Variants in PKHD1 observed in about 807,000 individuals in gnomAD.
The protein encoded by PKHD1 is PKHD1 ciliary IPT domain containing fibrocystin/polyductin, also known as fibrocystin.
In PKHD1, 291 loss-of-function variants were observed where a neutral mutation model predicts 412.0. The ratio of observed to expected loss-of-function variants is 0.71; its 90% CI spans 0.64 to 0.78. PKHD1 has a LOEUF of 0.78. PKHD1 is among the 30% of genes least tolerant of loss of function. The probability of loss-of-function intolerance (pLI) is 0.00; values close to 1 mark genes in which losing one functional copy is unlikely to be tolerated. For missense variants in PKHD1, 4,825 were observed against 4,950.7 expected (o/e 0.97, Z 0.76); for synonymous variants, 1,777 against 1,821.5 (o/e 0.98, Z 0.62).
chr6:52,048,578 A>G lies in PKHD1; in HGVS notation c.2321T>C (p.Val774Ala), dbSNP rs2128192965. 6.2e-7 allele frequency: 1 copy of G among 1,614,084 alleles called. No individual in the cohort carries two copies. The highest frequency in any genetic ancestry group is 8.5e-7 in the Non-Finnish European group (1 of 1,179,966). ...CTGTCGTCTCTGTGTCGTCACCAGG[A>G]CCAGTCCAGATCCCTCTTCTGTTCC... Reference protein sequence around the residue: ...TEGTEEGSGLVLVTTQRRQRT... With the variant: ...TEGTEEGSGLALVTTQRRQRT... The change falls in exon 23 of 67, where the codon GTC becomes GCC. Residue 774 changes from valine (V) to alanine (A), a missense_variant. Transcript: ENST00000371117.
At chr6:51,939,219 ACCC>A (rs941458218) in intron 36 of PKHD1, among the ~76,000 whole-genome samples, 4 of 147,868 alleles carry the variant, frequency 2.7e-5, no homozygotes, top group Non-Finnish European at 6.0e-5. Flanking sequence ...GGGGGCAAGA[ACCC>A]CCCCAACCCC....
chr6:51,714,191 G>A (rs1029706690), intron 60 of PKHD1, among the ~76,000 whole-genome samples: 26 of 152,110 alleles, frequency 1.7e-4, no homozygotes, highest in African/African-American at 5.8e-4. Context: ...CCAATATAGT[G>A]AAACCCCATC....
chr6:51,904,011 C>T lies in PKHD1; in HGVS notation c.6840G>A (p.Trp2280Ter), dbSNP rs1583295819. The change falls in exon 42 of 67, where the codon TGG becomes TGA. Residue 2280 changes from tryptophan (W) to a stop codon, truncating the protein, a stop_gained. Transcript: ENST00000371117. LOFTEE classifies it high-confidence loss of function. ...CATCTTTCCTTCCATGAATTGCCTC[C>T]CAGGAGATATATCTCATCTCCGTGC... ...GTCTEMRYIS[W>*]EAIHGRKDDW... The T allele has an allele frequency of 1.3e-6, 2 of 1,594,466 alleles. No individual in the cohort carries two copies. Among genetic ancestry groups the T allele is most frequent in the East Asian group, 4.5e-5 (2 of 44,746 alleles).
At chr6:51,816,087 A>C (rs1765414062) in intron 52 of PKHD1, among the ~76,000 whole-genome samples, 1 of 152,194 alleles carries the variant, frequency 6.6e-6, no homozygotes, top group African/African-American at 2.4e-5. Flanking sequence ...TTAACCATAT[A>C]TTCCCAATAT....
chr6:51,998,497 T>A, intron 35 of PKHD1, among the ~76,000 whole-genome samples: 1 of 152,216 alleles, frequency 6.6e-6, no homozygotes, highest in Non-Finnish European at 1.5e-5. Flanking sequence ...TAACTGGAAG[T>A]AAGGGAACTC....
intron 36 of PKHD1, among the ~76,000 whole-genome samples, chr6:51,958,636 C>A (rs777370314): frequency 1.3e-5 from 2 of 152,016 alleles, no homozygotes; most frequent in Non-Finnish European, 2.9e-5. Context: ...CCTTTGAATG[C>A]CTGAAGGGGA....
intron 48 of PKHD1, among the ~76,000 whole-genome samples, chr6:51,858,935 AC>A (rs1773738852): frequency 6.6e-6 from 1 of 152,046 alleles, no homozygotes. Context: ...GATACAATCA[AC>A]CCCATATCAG....
chr6:51,991,715 G>A (rs1797059621), intron 35 of PKHD1, among the ~76,000 whole-genome samples: 2 of 152,186 alleles, frequency 1.3e-5, no homozygotes, highest in Admixed American at 6.5e-5. Flanking sequence ...GATGCTGAAA[G>A]GGATTGTTTC....
rs1766262520 is a variant in PKHD1, at chr6:51,618,775, C to T, written c.*306G>A. The T allele has an allele frequency of 2.4e-6, 1 of 410,598 alleles. No homozygotes were observed. Among genetic ancestry groups the T allele is most frequent in the Admixed American group, 3.6e-5 (1 of 27,494 alleles). The allele number at this position is 410,598 out of a possible 1,614,324, so 25.4% of individuals were successfully genotyped here. ...AATAATAACCCCTGCTGGTATAAGTCAGTATTACACCATTATCAAGTTGTT... is the reference window on the plus strand; with the variant it reads ...AATAATAACCCCTGCTGGTATAAGTTAGTATTACACCATTATCAAGTTGTT... On this transcript the variant is annotated 3_prime_UTR_variant, in exon 67 of 67. Transcript: ENST00000371117.
intron 2 of PKHD1, 46 bp downstream of exon 2, chr6:52,084,836 C>G: frequency 8.8e-7 from 1 of 1,135,198 alleles, no homozygotes. Flanking sequence ...TCAAGGTAAC[C>G]TATTGTGTTC....
chr6:51,829,396 C>T (rs1470024744), intron 52 of PKHD1, among the ~76,000 whole-genome samples: 1 of 152,108 alleles, frequency 6.6e-6, no homozygotes, highest in East Asian at 1.9e-4. Flanking sequence ...AAAAGCTTGG[C>T]AACCTTCAAA....
intron 58 of PKHD1, 86 bp downstream of exon 58, chr6:51,747,701 T>G (rs948798948): frequency 8.5e-7 from 1 of 1,181,958 alleles, no homozygotes; most frequent in Non-Finnish European, 1.3e-6. Context: ...ATGTACCTTT[T>G]TGTTGATAAA....
intron 52 of PKHD1, among the ~76,000 whole-genome samples, chr6:51,798,121 G>A (rs1183949180): frequency 6.6e-6 from 1 of 152,274 alleles, no homozygotes; most frequent in East Asian, 1.9e-4. Context: ...GCTCGTGCCT[G>A]TAATTCCAGC....
intron 43 of PKHD1, among the ~76,000 whole-genome samples, chr6:51,892,149 T>C (rs1306645537): frequency 6.6e-6 from 1 of 152,228 alleles, no homozygotes; most frequent in Non-Finnish European, 1.5e-5. Context: ...CACTTCATTA[T>C]TTTGGAGTCT....
At chr6:51,727,269 G>A (rs979405291) in intron 60 of PKHD1, among the ~76,000 whole-genome samples, 2 of 152,120 alleles carry the variant, frequency 1.3e-5, no homozygotes, top group African/African-American at 4.8e-5. Flanking sequence ...GTTACTGATG[G>A]AAGGTATCCG....
intron 16 of PKHD1, among the ~76,000 whole-genome samples, chr6:52,058,033 C>T (rs551710948): frequency 6.6e-6 from 1 of 152,270 alleles, no homozygotes; most frequent in Admixed American, 6.5e-5. Flanking sequence ...GCATACATGT[C>T]GGGCGTGTGT....
At chr6:51,843,273 G>A (rs938647834) in intron 50 of PKHD1, among the ~76,000 whole-genome samples, 1 of 152,208 alleles carries the variant, frequency 6.6e-6, no homozygotes, top group African/African-American at 2.4e-5. Flanking sequence ...TAAATAGAGA[G>A]TGGGGTGTCA....
At chr6:51,867,786 C>G (rs1775313064) in intron 48 of PKHD1, 77 bp downstream of exon 48, 5 of 1,342,608 alleles carry the variant, frequency 3.7e-6, no homozygotes, top group Non-Finnish European at 1.1e-6. Flanking sequence ...AACAATTTCC[C>G]TTCTATAAGC....
At chr6:51,693,623 C>T (rs1470890079) in intron 60 of PKHD1, among the ~76,000 whole-genome samples, 3 of 152,146 alleles carry the variant, frequency 2.0e-5, no homozygotes, top group African/African-American at 7.2e-5. Flanking sequence ...ACCCATCCAG[C>T]CCAGCTGGTT....
Sources: allele counts gnomAD v4.1 joint callset (sites outside exome capture counted in the v4.1 genomes callset), GRCh38; gene constraint gnomAD v4.1.1; transcripts MANE v1.5; gene names NCBI Gene and HGNC (gene_info 2026-07-23, HGNC 2026-07-21).